The following UCK2 variants were observed in gnomAD, a reference collection of about 807,000 sequenced individuals.
UCK2 encodes cytidine monophosphokinase 2.
In UCK2, 6 loss-of-function variants were observed where a neutral mutation model predicts 30.8. The observed-to-expected ratio is 0.19, with a 90% CI of 0.11 to 0.38. The LOEUF (loss-of-function observed/expected upper bound fraction) is 0.38. Ranked by LOEUF, UCK2 falls within the 10% of genes least tolerant of loss-of-function variation. The pLI is 1.00. For missense variants in UCK2, 210 were observed against 339.8 expected (o/e 0.62, Z 3.00); for synonymous variants, 125 against 133.6 (o/e 0.94, Z 0.45).
At chr1:165,889,481 C>T (rs1655708963) in intron 1 of UCK2, among the ~76,000 whole-genome samples, 1 of 152,252 alleles carries the variant, frequency 6.6e-6, no homozygotes, top group Admixed American at 6.5e-5. Context: ...AGGGCACAAG[C>T]AGACAGGATC....
intron 1 of UCK2, among the ~76,000 whole-genome samples, chr1:165,873,579 A>G (rs1392782626): frequency 6.6e-6 from 1 of 152,160 alleles, no homozygotes; most frequent in Non-Finnish European, 1.5e-5. Context: ...CACTTCTTGC[A>G]GTGTGAAAAC....
At chr1:165,880,614 T>TGTGA (rs1655471014) in intron 1 of UCK2, among the ~76,000 whole-genome samples, 2 of 150,350 alleles carry the variant, frequency 1.3e-5, no homozygotes, top group African/African-American at 4.9e-5. Context: ...TGTGTGTGTG[T>TGTGA]GATGTCTTTT....
At chr1:165,839,649 C>T (rs1654275998) in intron 1 of UCK2, among the ~76,000 whole-genome samples, 1 of 152,046 alleles carries the variant, frequency 6.6e-6, no homozygotes, top group East Asian at 1.9e-4. Flanking sequence ...GCCCAGGAAG[C>T]TTGATGGAGT....
intron 1 of UCK2, among the ~76,000 whole-genome samples, chr1:165,871,189 A>T (rs1655188144): frequency 6.6e-6 from 1 of 152,062 alleles, no homozygotes; most frequent in Non-Finnish European, 1.5e-5. Flanking sequence ...GCGTTTGCTT[A>T]TTGTACCCAT....
At chr1:165,852,972 C>G (rs1001978810) in intron 1 of UCK2, among the ~76,000 whole-genome samples, 3 of 152,212 alleles carry the variant, frequency 2.0e-5, no homozygotes, top group African/African-American at 7.2e-5. Context: ...TTATCCCTCT[C>G]TTGGTGCCCT....
At chr1:165,841,738 G>C (rs1306683207) in intron 1 of UCK2, among the ~76,000 whole-genome samples, 2 of 152,146 alleles carry the variant, frequency 1.3e-5, no homozygotes, top group African/African-American at 2.4e-5. Flanking sequence ...CCAGTGTCAT[G>C]GTTGGTGTTT....
intron 1 of UCK2, among the ~76,000 whole-genome samples, chr1:165,882,566 G>C (rs376616741): frequency 4.6e-5 from 7 of 152,182 alleles, no homozygotes; most frequent in Non-Finnish European, 1.0e-4. Flanking sequence ...CAACATCAAG[G>C]TACTGGCAGG....
intron 3 of UCK2, chr1:165,894,505 A>C (rs1483165328): frequency 6.6e-6 from 1 of 152,118 alleles, no homozygotes; most frequent in African/African-American, 2.4e-5. Context: ...ATATCTTGGG[A>C]GCTTCTAAAT....
chr1:165,843,194 A>G (rs939834233), intron 1 of UCK2, among the ~76,000 whole-genome samples: 5 of 151,912 alleles, frequency 3.3e-5, no homozygotes, highest in Admixed American at 2.0e-4. Flanking sequence ...TAGCTGCTCA[A>G]ACATACTTGA....
intron 1 of UCK2, among the ~76,000 whole-genome samples, chr1:165,865,014 T>TACACAC (rs1655015939): frequency 2.0e-5 from 3 of 151,920 alleles, no homozygotes; most frequent in Admixed American, 2.0e-4. Context: ...CACACACACA[T>TACACAC]GCACACACAC....
chr1:165,849,749 C>T (rs1654542781), intron 1 of UCK2, among the ~76,000 whole-genome samples: 2 of 152,098 alleles, frequency 1.3e-5, no homozygotes, highest in Admixed American at 6.5e-5. Context: ...GGAAAACCTG[C>T]GAAAATGGAG....
chr1:165,864,606 A>G (rs184215283), intron 1 of UCK2, among the ~76,000 whole-genome samples: 56 of 152,348 alleles, frequency 3.7e-4, no homozygotes, highest in Middle Eastern at 6.8e-3. Context: ...AAATGTATGT[A>G]TGGAACTTAC....
At chr1:165,874,738 G>T (rs985679740) in intron 1 of UCK2, among the ~76,000 whole-genome samples, 4 of 152,050 alleles carry the variant, frequency 2.6e-5, no homozygotes, top group Non-Finnish European at 2.9e-5. Flanking sequence ...CCATCTATAG[G>T]TTGTTAAAAT....
intron 1 of UCK2, among the ~76,000 whole-genome samples, chr1:165,873,042 C>T (rs1023819248): frequency 5.4e-4 from 82 of 152,114 alleles, no homozygotes; most frequent in African/African-American, 1.6e-3. Context: ...ATTTATTCAG[C>T]GCAATGTTAA....
At chr1:165,880,999 C>G (rs1194314992) in intron 1 of UCK2, among the ~76,000 whole-genome samples, 1 of 151,720 alleles carries the variant, frequency 6.6e-6, no homozygotes. Context: ...TGTTGAAACC[C>G]CGTCTCTACT....
intron 1 of UCK2, among the ~76,000 whole-genome samples, chr1:165,889,529 T>C (rs1285671233): frequency 6.6e-6 from 1 of 151,990 alleles, no homozygotes; most frequent in East Asian, 1.9e-4. Flanking sequence ...TGGGAAAGGC[T>C]CTTCTGGAGG....
At chr1:165,848,978 TG>T (rs1654525224) in intron 1 of UCK2, among the ~76,000 whole-genome samples, 1 of 151,898 alleles carries the variant, frequency 6.6e-6, no homozygotes, top group Non-Finnish European at 1.5e-5. Context: ...ATGATGGAGC[TG>T]GGTGCGGTGG....
chr1:165,848,696 C>A (rs1023013686), intron 1 of UCK2, among the ~76,000 whole-genome samples: 1 of 151,906 alleles, frequency 6.6e-6, no homozygotes, highest in African/African-American at 2.4e-5. Context: ...ACCCCCTGAG[C>A]TTTACATCCA....
rs191164233 is a variant in UCK2 at position 165,890,601 on chromosome 1, G to A, written c.259+238G>A. 3.2e-3 allele frequency among the ~76,000 whole-genome samples: 489 copies of A among 152,324 alleles called. 1 individual carries two copies. Among genetic ancestry groups the A allele is most frequent in the Middle Eastern group, 0.014 (4 of 294 alleles). On this transcript the variant is annotated intron_variant, in intron 2 of 6. Coordinates refer to ENST00000367879, the MANE Select transcript of UCK2 (RefSeq NM_012474.5). ...ATTGAATCTGTATCTGAACAAAGGT[G>A]ATTTTGTATGAGCCTGGGACTCAAG...
Sources: gnomAD v4.1 joint callset for allele counts (sites outside exome capture counted in the v4.1 genomes callset) on GRCh38, gnomAD v4.1.1 for gene constraint, MANE v1.5 for transcripts, NCBI Gene and HGNC (gene_info 2026-07-23, HGNC 2026-07-21) for gene names.